SPTAN1: variants seen among roughly 807,000 people sequenced by gnomAD.
The protein encoded by SPTAN1 is spectrin alpha, non-erythrocytic 1.
A neutral mutation model predicts 331.3 loss-of-function variants in SPTAN1; 61 were observed. The observed-to-expected ratio is 0.18, with a 90% CI of 0.15 to 0.23. The LOEUF is 0.23. Ranked by LOEUF, SPTAN1 falls within the 10% of genes least tolerant of loss-of-function variation. SPTAN1 has a pLI of 1.00. For synonymous variants in SPTAN1, 1,153 were observed against 1,173.9 expected, an observed-to-expected ratio of 0.98 and a Z score of 0.36; for missense variants, 2,043 against 3,147.9, an observed-to-expected ratio of 0.65 and a Z score of 8.40.
intron 1 of SPTAN1, 115 bp from the exon 2 acceptor site, chr9:128,566,623 T>A (rs1249460902): frequency 7.3e-6 from 11 of 1,498,694 alleles, no homozygotes; most frequent in Non-Finnish European, 1.0e-5. Context: ...GTCTTCTCAA[T>A]TCATTTGTCT....
Position 128,629,042 on chromosome 9 carries a change from T to C in SPTAN1, c.6707+1100T>C. 2.5e-6 allele frequency: 1 copy of C among 398,194 alleles called. No individual in the cohort carries two copies. The highest frequency in any genetic ancestry group is 4.4e-6 in the Non-Finnish European group (1 of 225,842). The allele number at this position is 398,194 out of a possible 1,614,324, so 24.7% of individuals were successfully genotyped here. On this transcript the variant is annotated intron_variant, in intron 51 of 56. Coordinates refer to ENST00000372739, the MANE Select transcript of SPTAN1 (RefSeq NM_001130438.3). This position sits in a 1 kb window ranked among gnomAD's most constrained non-coding sequence, Gnocchi z 4.9. ...TTGCCCTTGCCTGCGCCCTGCCAGC[T>C]TGGGCTTTGTGTGTGTCTGTTGCAG...
intron 21 of SPTAN1, among the ~76,000 whole-genome samples, chr9:128,589,736 C>T (rs576697679): frequency 2.2e-3 from 333 of 151,208 alleles, no homozygotes; most frequent in African/African-American, 3.3e-3. Context: ...CCACCACGCC[C>T]GGCTAATTTT....
rs1337031209 is a variant in SPTAN1, at chr9:128,624,421, A to G, written c.5926A>G (p.Lys1976Glu). 3 of 1,613,882 alleles carry G rather than the reference A, an allele frequency of 1.9e-6. No individual in the cohort carries two copies. The highest frequency in any genetic ancestry group is 1.3e-5 in the African/African-American group (1 of 74,924). ...LEKAAAQRKA[K>E]LDENSAFLQF... ...GAAAGCTGCAGCCCAGAGAAAGGCGAAGCTGGATGAGAACTCGGCCTTCCT... is the reference window on the plus strand; with the variant it reads ...GAAAGCTGCAGCCCAGAGAAAGGCGGAGCTGGATGAGAACTCGGCCTTCCT... Residue 1976 changes from lysine (K) to glutamate (E), a missense_variant, in exon 46 of 57, where the codon AAG becomes GAG. This residue lies in a region of SPTAN1 where 323 missense variants were observed against 581.1 expected (regional missense o/e 0.56). Coordinates refer to ENST00000372739, the MANE Select transcript of SPTAN1 (RefSeq NM_001130438.3).
chr9:128,592,833 T>C, intron 22 of SPTAN1, 150 bp from the exon 23 acceptor site: 1 of 751,460 alleles, frequency 1.3e-6, no homozygotes, highest in Non-Finnish European at 2.4e-6. Flanking sequence ...CACTCATGAC[T>C]TAGACTGCTC....
rs776782747 is a variant in SPTAN1, at chr9:128,575,282, A to C, written c.588A>C (p.Thr196=). ...AGAAGAAATTTGAAGAGTTTCAAACAGATATGGCTGCTCATGAAGAAAGAG... is the reference window on the plus strand; with the variant it reads ...AGAAGAAATTTGAAGAGTTTCAAACCGATATGGCTGCTCATGAAGAAAGAG... ...VLQKKFEEFQ[T]DMAAHEERVN... is the part of the protein sequence containing the mutation. The change falls in exon 5 of 57, where the codon ACA becomes ACC. Residue 196 remains threonine (T), a synonymous_variant. Coordinates refer to ENST00000372739, the MANE Select transcript of SPTAN1 (RefSeq NM_001130438.3). 6.2e-7 allele frequency: 1 copy of C among 1,614,166 alleles called. No homozygotes were observed.
chr9:128,599,711 T>G, intron 26 of SPTAN1: 1 of 203,148 alleles, frequency 4.9e-6, no homozygotes, highest in Non-Finnish European at 9.9e-6. Flanking sequence ...AAAAAAGTCT[T>G]CTGTCTCTTC....
chr9:128,578,263 A>C lies in SPTAN1; in HGVS notation c.1221+18A>C, dbSNP rs1445856268. The C allele has an allele frequency of 2.5e-6, 4 of 1,613,646 alleles. No homozygotes were observed. The South Asian group carries it at 3.3e-5, about 13-fold the overall frequency. The stretch of plus-strand genomic sequence containing the variant: ...AGCACAAGGTAATGGTATCTCTAGA[A>C]TCTTCCAGAAGTGAAGATTTTAGCT... On this transcript the variant is annotated intron_variant, in intron 9 of 56. Transcript: ENST00000372739.
chr9:128,554,604 G>T (rs1244360938), intron 1 of SPTAN1, among the ~76,000 whole-genome samples: 1 of 152,230 alleles, frequency 6.6e-6, no homozygotes, highest in East Asian at 1.9e-4. Context: ...GTTCAAGGCT[G>T]GCCTGCCTTT....
At chr9:128,566,221 T>TA in intron 1 of SPTAN1, among the ~76,000 whole-genome samples, 1 of 152,184 alleles carries the variant, frequency 6.6e-6, no homozygotes, top group East Asian at 1.9e-4. Context: ...CATGCCCAGC[T>TA]ATTTTTTTGT....
intron 19 of SPTAN1, among the ~76,000 whole-genome samples, chr9:128,586,941 C>T (rs1852728410): frequency 6.6e-6 from 1 of 152,040 alleles, no homozygotes. Flanking sequence ...CCTTGGCCTC[C>T]TAAGTAGCTG....
At position 128,626,653 on chromosome 9, in the gene SPTAN1, A is replaced by G. The variant is rs760925342; in HGVS notation, c.6542A>G (p.Glu2181Gly). 7.4e-6 allele frequency: 12 copies of G among 1,613,038 alleles called. No individual in the cohort carries two copies. In the South Asian group the frequency reaches 1.3e-4, roughly 18 times the overall value. ...ACCTGGTTTACCATGGAGGCCCTGG[A>G]GGAGACCTGGAGGAACCTACAGAAA... ...PYTWFTMEAL[E>G]ETWRNLQKII... The change falls in exon 49 of 57, where the codon GAG becomes GGG. Residue 2181 changes from glutamate to glycine, a missense_variant. By Grantham distance (98) the Glu-to-Gly change is moderately conservative. This residue lies in a region of SPTAN1 where 256 missense variants were observed against 376.4 expected (regional missense o/e 0.68). Transcript: ENST00000372739.
intron 9 of SPTAN1, 83 bp from the exon 10 acceptor site, chr9:128,579,551 TATA>T (rs1851696740): frequency 6.8e-6 from 7 of 1,023,326 alleles, no homozygotes; most frequent in Non-Finnish European, 1.1e-5. Context: ...TAGTCTGGCT[TATA>T]ATGCTTATGT....
chr9:128,602,508 TG>T (rs2131528244), intron 27 of SPTAN1, among the ~76,000 whole-genome samples: 1 of 152,244 alleles, frequency 6.6e-6, no homozygotes, highest in Admixed American at 6.5e-5. Flanking sequence ...TGAGCCATCA[TG>T]CCCTTCCTCT....
chr9:128,560,803 T>G (rs972076878), intron 1 of SPTAN1, among the ~76,000 whole-genome samples: 1 of 145,170 alleles, frequency 6.9e-6, no homozygotes, highest in East Asian at 2.2e-4. Context: ...GTGGATCACC[T>G]GAGGTCAGTT....
chr9:128,622,835 C>T (rs888284833), intron 45 of SPTAN1, among the ~76,000 whole-genome samples: 4 of 151,852 alleles, frequency 2.6e-5, no homozygotes, highest in Non-Finnish European at 4.4e-5. Flanking sequence ...TCACTGCCAC[C>T]GCCACCTCCT....
intron 21 of SPTAN1, among the ~76,000 whole-genome samples, chr9:128,589,279 CT>C (rs1853111201): frequency 6.9e-6 from 1 of 145,714 alleles, no homozygotes; most frequent in Non-Finnish European, 1.5e-5. Flanking sequence ...CTTTTTTTTT[CT>C]TTTTCTTTTC....
In SPTAN1 at chr9:128,577,067, G is replaced by C; in HGVS notation, c.786-62G>C. 1 of 1,613,898 alleles carries C rather than the reference G, an allele frequency of 6.2e-7. No homozygotes were observed. Among genetic ancestry groups the C allele is most frequent in the Admixed American group, 1.7e-5 (1 of 60,012 alleles). On this transcript the variant is annotated intron_variant, in intron 6 of 56. Transcript: ENST00000372739. This position sits in a 1 kb window ranked among gnomAD's most constrained non-coding sequence, Gnocchi z 4.2. Reference sequence around the variant, plus strand: ...AGGCTGACTAGGCCTTGGTCCCATGGGGTGTTCCTAGTTCTAGGGAGTCAT... The same window carrying C: ...AGGCTGACTAGGCCTTGGTCCCATGCGGTGTTCCTAGTTCTAGGGAGTCAT...
intron 1 of SPTAN1, among the ~76,000 whole-genome samples, chr9:128,558,105 A>T (rs538678256): frequency 1.3e-5 from 2 of 152,134 alleles, no homozygotes; most frequent in Non-Finnish European, 1.5e-5. Flanking sequence ...GCCCAGCTGT[A>T]TATTAGAAAT....
intron 4 of SPTAN1, 51 bp from the exon 5 acceptor site, chr9:128,575,148 T>C (rs776960254): frequency 9.3e-6 from 15 of 1,612,568 alleles, no homozygotes; most frequent in Non-Finnish European, 7.6e-6. Context: ...TGGAAGCCAT[T>C]GTTAACAAAT....
Sources: allele counts gnomAD v4.1 joint callset (sites outside exome capture counted in the v4.1 genomes callset), GRCh38; gene constraint gnomAD v4.1.1; regional missense constraint gnomAD v4.1.1; non-coding constraint Gnocchi (gnomAD v3.1); transcripts MANE v1.5; gene names NCBI Gene and HGNC (gene_info 2026-07-23, HGNC 2026-07-21).